The following RHOBTB3 variants were observed in gnomAD, a reference collection of about 807,000 sequenced individuals.
RHOBTB3 encodes Rho related BTB domain containing 3.
Under a neutral mutation model 67.2 loss-of-function variants are expected in RHOBTB3, and 47 were observed. The ratio of observed to expected loss-of-function variants is 0.70; its 90% confidence interval spans 0.55 to 0.89. The LOEUF is 0.89. Ranked by LOEUF, RHOBTB3 falls within the 40% of genes least tolerant of loss-of-function variation. The probability of loss-of-function intolerance (pLI) is 0.00; values close to 1 mark genes in which losing one functional copy is unlikely to be tolerated. For missense variants in RHOBTB3, 631 were observed against 750.0 expected (o/e 0.84, Z 1.85); for synonymous variants, 273 against 274.2 (o/e 1.00, Z 0.04).
intron 3 of RHOBTB3, among the ~76,000 whole-genome samples, chr5:95,740,505 G>A (rs1259411519): frequency 1.3e-5 from 2 of 152,216 alleles, no homozygotes; most frequent in African/African-American, 4.8e-5. Context: ...AGTGGAAAGA[G>A]ACAATAGTCT....
chr5:95,753,102 A>C (rs1745137895), intron 5 of RHOBTB3, among the ~76,000 whole-genome samples: 1 of 151,898 alleles, frequency 6.6e-6, no homozygotes, highest in African/African-American at 2.4e-5. Context: ...ACTGCACTGC[A>C]CTCTGGCCTG....
At chr5:95,756,727 G>T (rs560238819) in intron 6 of RHOBTB3, among the ~76,000 whole-genome samples, 2 of 151,930 alleles carry the variant, frequency 1.3e-5, no homozygotes, top group Admixed American at 1.3e-4. Context: ...TCTAATTCTG[G>T]TATTGATTTG....
intron 7 of RHOBTB3, 100 bp downstream of exon 7, chr5:95,763,720 T>C (rs1271005208): frequency 3.1e-6 from 2 of 647,496 alleles, no homozygotes; most frequent in Non-Finnish European, 5.5e-6. Flanking sequence ...AGTCAAATAC[T>C]GTATAAATGT....
upstream of RHOBTB3, among the ~76,000 whole-genome samples, chr5:95,730,046 C>G (rs574699893): frequency 6.6e-6 from 1 of 150,626 alleles, no homozygotes; most frequent in South Asian, 2.1e-4. Flanking sequence ...TCTAGAGACT[C>G]AAAGAGAAAT....
chr5:95,734,631 TTCTC>T (rs954583217), intron 2 of RHOBTB3, among the ~76,000 whole-genome samples: 1 of 152,204 alleles, frequency 6.6e-6, no homozygotes, highest in Non-Finnish European at 1.5e-5. Flanking sequence ...TAGTGTGTCT[TTCTC>T]TCTCTTTCCC....
At chr5:95,751,299 C>G (rs1362021976) in intron 4 of RHOBTB3, 4 of 151,850 alleles carry the variant, frequency 2.6e-5, no homozygotes, top group African/African-American at 9.7e-5. Context: ...AAATTATTAC[C>G]AGCCACACAA....
intron 1 of RHOBTB3, among the ~76,000 whole-genome samples, chr5:95,719,021 T>C (rs1187116045): frequency 6.6e-6 from 1 of 152,030 alleles, no homozygotes; most frequent in Non-Finnish European, 1.5e-5. Flanking sequence ...TAAGGAGGTA[T>C]AAAGTGGAGG....
chr5:95,783,089 T>G (rs756082001), intron 9 of RHOBTB3, among the ~76,000 whole-genome samples: 3 of 95,202 alleles, frequency 3.2e-5, no homozygotes, highest in African/African-American at 7.1e-5. Context: ...TTTTACTTTT[T>G]TATTTTATTT....
At chr5:95,780,582 G>A (rs185699230) in intron 9 of RHOBTB3, among the ~76,000 whole-genome samples, 157 bp downstream of exon 9, 44 of 152,300 alleles carry the variant, frequency 2.9e-4, no homozygotes, top group Admixed American at 1.4e-3. Context: ...GAACAACAAT[G>A]AATTTTCATT....
intron 5 of RHOBTB3, among the ~76,000 whole-genome samples, chr5:95,753,049 G>C (rs554719833): frequency 2.6e-5 from 4 of 152,014 alleles, no homozygotes; most frequent in Non-Finnish European, 5.9e-5. Context: ...GGAGAATGAC[G>C]TGAACCCAGG....
At chr5:95,725,248 C>A (rs1009450045) in intron 1 of RHOBTB3, among the ~76,000 whole-genome samples, 2 of 152,236 alleles carry the variant, frequency 1.3e-5, no homozygotes, top group Admixed American at 1.3e-4. Context: ...ACAGCTACAT[C>A]AACACCATTG....
intron 1 of RHOBTB3, 86 bp downstream of exon 1, chr5:95,731,770 G>C (rs1001140536): frequency 1.2e-6 from 2 of 1,604,788 alleles, no homozygotes; most frequent in South Asian, 1.1e-5. Flanking sequence ...CATCCTCGCC[G>C]CGCGCTGTCC....
intron 8 of RHOBTB3, among the ~76,000 whole-genome samples, chr5:95,778,442 G>A (rs753225700): frequency 4.0e-5 from 6 of 150,188 alleles, no homozygotes; most frequent in Admixed American, 1.3e-4. Flanking sequence ...CTGTTGGTTC[G>A]ATCTGTGGAT....
intron 2 of RHOBTB3, among the ~76,000 whole-genome samples, chr5:95,736,518 T>C (rs1368884209): frequency 2.6e-5 from 4 of 152,254 alleles, no homozygotes; most frequent in African/African-American, 7.2e-5. Context: ...TGAAGCTTCG[T>C]TACTCATACT....
intron 2 of RHOBTB3, chr5:95,732,468 A>G (rs1387297878): frequency 7.7e-6 from 3 of 387,874 alleles, no homozygotes; most frequent in Non-Finnish European, 1.4e-5. Flanking sequence ...TTGGTGTTCT[A>G]AAAATACATC....
At chr5:95,725,910 T>C (rs193094125), upstream of RHOBTB3, among the ~76,000 whole-genome samples, 5 of 152,258 alleles carry the variant, frequency 3.3e-5, no homozygotes, top group African/African-American at 1.2e-4. Flanking sequence ...AAACAGTCAA[T>C]TATTGTTTAC....
At chr5:95,736,834 C>T (rs1223120464) in intron 2 of RHOBTB3, 55 bp from the exon 3 acceptor site, 12 of 1,143,130 alleles carry the variant, frequency 1.0e-5, no homozygotes, top group South Asian at 1.6e-5. Flanking sequence ...TAAATTATTT[C>T]AGGATTGATT....
At chr5:95,790,840 T>C (rs951544659) in intron 11 of RHOBTB3, among the ~76,000 whole-genome samples, 1 of 152,230 alleles carries the variant, frequency 6.6e-6, no homozygotes, top group Non-Finnish European at 1.5e-5. Flanking sequence ...ACGTGTTTTA[T>C]TGGGACCCCA....
intron 8 of RHOBTB3, 127 bp from the exon 9 acceptor site, chr5:95,780,125 C>T: frequency 1.5e-6 from 1 of 651,654 alleles, no homozygotes; most frequent in South Asian, 2.5e-5. Flanking sequence ...AGTTATCACT[C>T]CCAAATTCAG....
Sources: allele counts gnomAD v4.1 joint callset (sites outside exome capture counted in the v4.1 genomes callset), GRCh38; gene constraint gnomAD v4.1.1; transcripts MANE v1.5; gene names NCBI Gene and HGNC (gene_info 2026-07-23, HGNC 2026-07-21).